HSPA14: variants seen among roughly 807,000 people sequenced by gnomAD.
HSPA14 encodes the protein heat shock 70 kDa protein 14.
Under a neutral mutation model 65.5 loss-of-function variants are expected in HSPA14, and 37 were observed. The ratio of observed to expected loss-of-function variants is 0.56; its 90% CI spans 0.43 to 0.74. HSPA14 has a LOEUF of 0.74. Among genes scored for constraint, HSPA14 ranks in the 30% least tolerant of loss-of-function variants. HSPA14 has a pLI of 0.00. For missense variants in HSPA14, 564 were observed against 607.6 expected, an observed-to-expected ratio of 0.93 and a Z score of 0.75; for synonymous variants, 203 against 214.2, an observed-to-expected ratio of 0.95 and a Z score of 0.46.
intron 5 of HSPA14, chr10:14,849,289 G>A (rs765325346): frequency 1.2e-5 from 5 of 411,220 alleles, no homozygotes; most frequent in South Asian, 7.3e-5. Flanking sequence ...GTATTCTGTC[G>A]AACAATTTGG....
chr10:14,853,999 T>G, intron 8 of HSPA14, 126 bp from the exon 9 acceptor site: 4 of 892,806 alleles, frequency 4.5e-6, no homozygotes, highest in Non-Finnish European at 6.6e-6. Flanking sequence ...ATTACACGCG[T>G]GAGCCACCGC....
chr10:14,844,464 A>C (rs1447412396), intron 3 of HSPA14: 4 of 991,268 alleles, frequency 4.0e-6, no homozygotes, highest in Admixed American at 5.6e-5. Context: ...TTAATTTTTA[A>C]AATCCCTGTG....
chr10:14,849,326 G>A (rs1182876886), intron 5 of HSPA14: 1 of 455,030 alleles, frequency 2.2e-6, no homozygotes, highest in Non-Finnish European at 4.4e-6. Flanking sequence ...TTGTTTATAA[G>A]GCTTCCTTCA....
At chr10:14,853,998 G>A (rs1015943246) in intron 8 of HSPA14, 127 bp from the exon 9 acceptor site, 2 of 871,608 alleles carry the variant, frequency 2.3e-6, no homozygotes, top group Non-Finnish European at 3.4e-6. Context: ...GATTACACGC[G>A]TGAGCCACCG....
chr10:14,852,313 A>G (rs1564322716), intron 7 of HSPA14, 57 bp from the exon 8 acceptor site: 1 of 1,421,232 alleles, frequency 7.0e-7, no homozygotes, highest in Non-Finnish European at 9.8e-7. Context: ...GACTTCTAAT[A>G]TCCAACTTAG....
At chr10:14,867,676 G>GT in intron 11 of HSPA14, 60 bp from the exon 12 acceptor site, 4 of 1,472,952 alleles carry the variant, frequency 2.7e-6, no homozygotes, top group Non-Finnish European at 2.8e-6. Context: ...ATAATGGGAA[G>GT]TTTTTTTCAA....
At chr10:14,871,408 C>T (rs1378266423) in intron 13 of HSPA14, 120 bp from the exon 14 acceptor site, 8 of 637,618 alleles carry the variant, frequency 1.3e-5, no homozygotes, top group Non-Finnish European at 2.0e-5. Flanking sequence ...ACATTAATAC[C>T]CTTCTTTTGA....
At chr10:14,845,155 A>G (rs754518791) in intron 3 of HSPA14, 31 of 985,342 alleles carry the variant, frequency 3.1e-5, no homozygotes, top group Non-Finnish European at 3.7e-5. Flanking sequence ...GATGAAGGTG[A>G]TAAGCCACAC....
intron 3 of HSPA14, chr10:14,843,310 G>A: frequency 1.9e-6 from 3 of 1,541,328 alleles, no homozygotes; most frequent in African/African-American, 1.4e-5. Context: ...CTCTGCTGCT[G>A]GCTCCAAGCA....
At chr10:14,850,922 CT>C (rs1040958456) in intron 6 of HSPA14, 523 of 194,974 alleles carry the variant, frequency 2.7e-3, no homozygotes, top group Middle Eastern at 0.011. Context: ...ATCTTTTGAA[CT>C]TTTTTTTTTA....
At chr10:14,846,954 G>A (rs1834063213) in intron 3 of HSPA14, 2 of 985,272 alleles carry the variant, frequency 2.0e-6, no homozygotes, top group East Asian at 1.1e-4. Flanking sequence ...TTGTTTTTCT[G>A]TTCGGTAATC....
intron 10 of HSPA14, among the ~76,000 whole-genome samples, chr10:14,858,173 T>C (rs1279113585): frequency 1.3e-5 from 2 of 152,214 alleles, no homozygotes; most frequent in African/African-American, 4.8e-5. Flanking sequence ...TAAGTTACTC[T>C]ATAGGGTTGC....
At chr10:14,865,383 A>G (rs1376966802) in intron 10 of HSPA14, among the ~76,000 whole-genome samples, 1 of 151,810 alleles carries the variant, frequency 6.6e-6, no homozygotes, top group African/African-American at 2.4e-5. Context: ...TGTTTTAGAC[A>G]TGAAGTCCTT....
intron 10 of HSPA14, among the ~76,000 whole-genome samples, chr10:14,860,722 T>C (rs1259849259): frequency 6.6e-6 from 1 of 151,664 alleles, no homozygotes; most frequent in African/African-American, 2.4e-5. Flanking sequence ...CCAGAAGGAG[T>C]GCTCAGGCCT....
At chr10:14,843,982 T>A in intron 3 of HSPA14, 1 of 1,483,198 alleles carries the variant, frequency 6.7e-7, no homozygotes, top group Non-Finnish European at 8.9e-7. Flanking sequence ...CTTTTCTGTG[T>A]CCTCAGAAAA....
chr10:14,867,667 T>G (rs981344452), intron 11 of HSPA14, 69 bp from the exon 12 acceptor site: 2 of 1,350,986 alleles, frequency 1.5e-6, no homozygotes, highest in Non-Finnish European at 2.0e-6. Context: ...ATCTCATTTA[T>G]AATGGGAAGT....
intron 10 of HSPA14, among the ~76,000 whole-genome samples, chr10:14,857,723 C>G (rs1345746387): frequency 5.3e-5 from 8 of 152,152 alleles, no homozygotes. Flanking sequence ...GGGTGTTTGA[C>G]TTACTCTTGA....
intron 9 of HSPA14, among the ~76,000 whole-genome samples, chr10:14,854,810 C>A (rs1328183327): frequency 6.6e-6 from 1 of 152,182 alleles, no homozygotes; most frequent in African/African-American, 2.4e-5. Context: ...AATAAAAGAG[C>A]CACTAGCCAC....
intron 11 of HSPA14, 36 bp downstream of exon 11, chr10:14,867,331 T>A (rs745926762): frequency 7.1e-7 from 1 of 1,403,508 alleles, no homozygotes; most frequent in Non-Finnish European, 1.0e-6. Context: ...TAAGGTATGT[T>A]TAGCTTTTCT....
Sources: allele counts gnomAD v4.1 joint callset (sites outside exome capture counted in the v4.1 genomes callset), GRCh38; gene constraint gnomAD v4.1.1; transcripts MANE v1.5; gene names NCBI Gene and HGNC (gene_info 2026-07-23, HGNC 2026-07-21).